The following TAFA1 variants were observed in gnomAD, a reference collection of about 807,000 sequenced individuals.
The protein encoded by TAFA1 is TAFA chemokine like family member 1.
Under a neutral mutation model 18.5 loss-of-function variants are expected in TAFA1, and 4 were observed. The ratio of observed to expected loss-of-function variants is 0.22; its 90% CI spans 0.11 to 0.49. The LOEUF (loss-of-function observed/expected upper bound fraction) is 0.49, where lower values mean the gene tolerates loss of function less well. TAFA1 is among the 20% of genes least tolerant of loss of function. The pLI, the probability that TAFA1 is intolerant of heterozygous loss-of-function variation, is 0.98. For missense variants in TAFA1, 147 were observed against 169.0 expected, an observed-to-expected ratio of 0.87 and a Z score of 0.72; for synonymous variants, 56 against 55.2, an observed-to-expected ratio of 1.01 and a Z score of -0.06.
chr3:68,150,984 T>C (rs140392993), intron 2 of TAFA1, among the ~76,000 whole-genome samples: 1 of 151,842 alleles, frequency 6.6e-6, no homozygotes, highest in East Asian at 1.9e-4. Context: ...ATTTATACAC[T>C]AGAAACTAGA....
chr3:68,249,099 A>G lies in TAFA1; in HGVS notation c.119-168181A>G, dbSNP rs73836813. 9.6e-3 allele frequency among the ~76,000 whole-genome samples: 1,463 copies of G among 152,248 alleles called. 16 individuals are homozygous for G. The highest frequency in any genetic ancestry group is 0.03 in the African/African-American group (1,238 of 41,552). On this transcript the variant is annotated intron_variant, in intron 2 of 4. Coordinates refer to ENST00000478136, the MANE Select transcript of TAFA1 (RefSeq NM_213609.4). Reference sequence around the variant, plus strand: ...CTGAAGGTAATAGGGGCTCAGCACAACAGATCACCCACACACAGGCCACCT... The same window carrying G: ...CTGAAGGTAATAGGGGCTCAGCACAGCAGATCACCCACACACAGGCCACCT...
intron 2 of TAFA1, among the ~76,000 whole-genome samples, chr3:68,100,635 C>T (rs1023522333): frequency 1.3e-5 from 2 of 152,168 alleles, no homozygotes; most frequent in Non-Finnish European, 2.9e-5. Context: ...TTCAATGATT[C>T]CAGCTATCTA....
intron 2 of TAFA1, among the ~76,000 whole-genome samples, chr3:68,187,537 A>G (rs771297650): frequency 1.3e-4 from 20 of 152,008 alleles, no homozygotes; most frequent in Non-Finnish European, 2.6e-4. Flanking sequence ...TCATCTTTGC[A>G]CAGTATGATT....
At chr3:68,532,318 C>T (rs2073200046) in intron 3 of TAFA1, among the ~76,000 whole-genome samples, 1 of 152,116 alleles carries the variant, frequency 6.6e-6, no homozygotes, top group Non-Finnish European at 1.5e-5. Context: ...CCTTCTTATG[C>T]AGATAAAAGC....
At chr3:68,339,694 A>G (rs1016192494) in intron 2 of TAFA1, among the ~76,000 whole-genome samples, 1 of 152,152 alleles carries the variant, frequency 6.6e-6, no homozygotes, top group Non-Finnish European at 1.5e-5. Flanking sequence ...TTTTGTCCTT[A>G]ATGTAGATTT....
intron 2 of TAFA1, among the ~76,000 whole-genome samples, chr3:68,358,835 A>G (rs923304106): frequency 6.6e-6 from 1 of 151,928 alleles, no homozygotes; most frequent in Non-Finnish European, 1.5e-5. Flanking sequence ...TTCTATGACC[A>G]TTTTTGTAAA....
chr3:68,105,654 C>T (rs1261119927), intron 2 of TAFA1, among the ~76,000 whole-genome samples: 5 of 151,980 alleles, frequency 3.3e-5, no homozygotes, highest in Admixed American at 1.3e-4. Context: ...CCAAATTTCA[C>T]GTGAGAAATA....
chr3:68,483,886 C>G (rs1469168537), intron 3 of TAFA1, among the ~76,000 whole-genome samples: 1 of 152,212 alleles, frequency 6.6e-6, no homozygotes, highest in African/African-American at 2.4e-5. Context: ...TCACTTATAG[C>G]TCTTTAGACT....
intron 3 of TAFA1, among the ~76,000 whole-genome samples, chr3:68,532,416 T>C (rs1047777665): frequency 6.6e-6 from 1 of 152,150 alleles, no homozygotes; most frequent in Non-Finnish European, 1.5e-5. Flanking sequence ...GTGTCAGACA[T>C]TGAGTCTTTT....
intron 2 of TAFA1, among the ~76,000 whole-genome samples, chr3:68,016,810 A>G (rs915274970): frequency 4.6e-5 from 7 of 152,188 alleles, no homozygotes; most frequent in African/African-American, 1.7e-4. Flanking sequence ...CTCATGACCC[A>G]TAATATTTAT....
chr3:68,512,826 C>T (rs371452457), intron 3 of TAFA1, among the ~76,000 whole-genome samples: 4 of 152,016 alleles, frequency 2.6e-5, no homozygotes, highest in South Asian at 4.2e-4. Context: ...ATCTTGATTA[C>T]GTTGTTACAT....
chr3:68,349,297 G>A (rs1170605404), intron 2 of TAFA1, among the ~76,000 whole-genome samples: 1 of 151,860 alleles, frequency 6.6e-6, no homozygotes, highest in Non-Finnish European at 1.5e-5. Flanking sequence ...CAAGCAAAAT[G>A]CTTTCTAATT....
chr3:68,332,694 A>G (rs1224331700), intron 2 of TAFA1, among the ~76,000 whole-genome samples: 1 of 152,222 alleles, frequency 6.6e-6, no homozygotes, highest in Non-Finnish European at 1.5e-5. Flanking sequence ...CATCATGGAT[A>G]TAAATCAAAA....
At chr3:68,408,046 T>TC (rs2070643702) in intron 2 of TAFA1, among the ~76,000 whole-genome samples, 1 of 152,116 alleles carries the variant, frequency 6.6e-6, no homozygotes, top group Admixed American at 6.6e-5. Flanking sequence ...TGACATCCAC[T>TC]ATGATGAATT....
Position 68,390,176 on chromosome 3 carries a change from C to T in TAFA1, c.119-27104C>T, listed in dbSNP as rs190681580. On this transcript the variant is annotated intron_variant, in intron 2 of 4. Transcript: ENST00000478136. Reference sequence around the variant, plus strand: ...TGCTCAAGCTTGGTGGGGGAAGGGGCGTCCGCCATTACTGAGGCTTGAGTA... The same window carrying T: ...TGCTCAAGCTTGGTGGGGGAAGGGGTGTCCGCCATTACTGAGGCTTGAGTA... Among the ~76,000 whole-genome samples, 37 of 152,226 alleles carry T rather than the reference C, an allele frequency of 2.4e-4. No individual in the cohort carries two copies. The East Asian group carries it at 6.0e-3, about 25-fold the overall frequency.
intron 3 of TAFA1, among the ~76,000 whole-genome samples, chr3:68,427,951 TGA>T (rs1295684510): frequency 1.3e-5 from 2 of 151,972 alleles, no homozygotes; most frequent in Non-Finnish European, 2.9e-5. Context: ...GCCAGGATTA[TGA>T]GCCATCCTCA....
At chr3:68,494,957 C>T (rs2072519294) in intron 3 of TAFA1, among the ~76,000 whole-genome samples, 2 of 152,134 alleles carry the variant, frequency 1.3e-5, no homozygotes, top group African/African-American at 4.8e-5. Context: ...CTTCTCTGTA[C>T]TGTGGACAAC....
At chr3:68,506,872 G>A (rs1445974893) in intron 3 of TAFA1, among the ~76,000 whole-genome samples, 3 of 151,886 alleles carry the variant, frequency 2.0e-5, no homozygotes, top group Non-Finnish European at 2.9e-5. Context: ...CAGCCACAGT[G>A]CAAATGAATC....
chr3:68,467,732 G>C (rs2071916486), intron 3 of TAFA1, among the ~76,000 whole-genome samples: 1 of 152,188 alleles, frequency 6.6e-6, no homozygotes, highest in Non-Finnish European at 1.5e-5. Context: ...GGAGATGCTA[G>C]AGGATGGGGA....
Sources: allele counts gnomAD v4.1 joint callset (sites outside exome capture counted in the v4.1 genomes callset), GRCh38; gene constraint gnomAD v4.1.1; transcripts MANE v1.5; gene names NCBI Gene and HGNC (gene_info 2026-07-23, HGNC 2026-07-21).